The following DPP6 variants were observed in gnomAD, a reference collection of about 807,000 sequenced individuals.
The protein encoded by DPP6 is A-type potassium channel modulatory protein DPP6.
Under a neutral mutation model 122.6 loss-of-function variants are expected in DPP6, and 69 were observed. The observed-to-expected ratio is 0.56, with a 90% CI of 0.46 to 0.69. The LOEUF (loss-of-function observed/expected upper bound fraction) is 0.69, where lower values mean the gene tolerates loss of function less well. DPP6 is among the 30% of genes least tolerant of loss of function. The pLI, the probability that DPP6 is intolerant of heterozygous loss-of-function variation, is 0.00. For missense variants in DPP6, 928 were observed against 1,116.9 expected, an observed-to-expected ratio of 0.83 and a Z score of 2.41; for synonymous variants, 418 against 433.1, an observed-to-expected ratio of 0.97 and a Z score of 0.43.
intron 1 of DPP6, among the ~76,000 whole-genome samples, chr7:154,364,322 A>G (rs1586061241): frequency 6.6e-6 from 1 of 152,172 alleles, no homozygotes; most frequent in Non-Finnish European, 1.5e-5. Flanking sequence ...GAAGAGGTGC[A>G]CCCACCACAG....
At chr7:154,798,817 T>C (rs1169030377) in intron 12 of DPP6, among the ~76,000 whole-genome samples, 1 of 152,380 alleles carries the variant, frequency 6.6e-6, no homozygotes, top group South Asian at 2.1e-4. Context: ...TGGACCCTAT[T>C]TTTCAAAAAC....
At chr7:154,201,793 C>T (rs1799187917) in intron 1 of DPP6, among the ~76,000 whole-genome samples, 1 of 152,192 alleles carries the variant, frequency 6.6e-6, no homozygotes, top group South Asian at 2.1e-4. Flanking sequence ...GTCTGCATAC[C>T]ATTGAAAAGA....
intron 1 of DPP6, among the ~76,000 whole-genome samples, chr7:154,090,928 G>C (rs971779859): frequency 3.8e-4 from 57 of 149,212 alleles, no homozygotes; most frequent in Middle Eastern, 3.4e-3. Context: ...AGACCATCCT[G>C]GCTAACACAG....
At chr7:154,812,276 A>T (rs989764765) in intron 16 of DPP6, among the ~76,000 whole-genome samples, 1 of 152,212 alleles carries the variant, frequency 6.6e-6, no homozygotes, top group African/African-American at 2.4e-5. Context: ...TGGGCCTTCC[A>T]TTAGGACAGT....
chr7:154,801,550 G>T, intron 13 of DPP6, 88 bp downstream of exon 13: 1 of 1,450,542 alleles, frequency 6.9e-7, no homozygotes, highest in Non-Finnish European at 9.1e-7. Context: ...GCACACTTGC[G>T]TTTTCGAGGA....
intron 1 of DPP6, among the ~76,000 whole-genome samples, chr7:153,923,804 G>GGGA (rs1800762306): frequency 6.6e-6 from 1 of 150,720 alleles, no homozygotes; most frequent in African/African-American, 2.4e-5. Context: ...CATCTTAGCG[G>GGGA]GGAGGATCTG....
chr7:154,599,056 G>T (rs1282142838), intron 5 of DPP6, among the ~76,000 whole-genome samples: 2 of 152,154 alleles, frequency 1.3e-5, no homozygotes, highest in Non-Finnish European at 2.9e-5. Context: ...GGTGATAACT[G>T]CACTTTCTTC....
intron 1 of DPP6, among the ~76,000 whole-genome samples, chr7:154,200,082 A>C (rs149330197): frequency 1.3e-5 from 2 of 152,318 alleles, no homozygotes; most frequent in East Asian, 3.9e-4. Flanking sequence ...ATACCAATTC[A>C]AAATCAAACA....
chr7:154,599,165 A>G (rs1225012370), intron 5 of DPP6, among the ~76,000 whole-genome samples: 1 of 152,210 alleles, frequency 6.6e-6, no homozygotes, highest in African/African-American at 2.4e-5. Context: ...CAAAGTCAAC[A>G]AAAGAGCATA....
chr7:154,641,781 A>G (rs1381621855), intron 6 of DPP6, among the ~76,000 whole-genome samples: 1 of 152,172 alleles, frequency 6.6e-6, no homozygotes, highest in Non-Finnish European at 1.5e-5. Context: ...TGGTCCTATC[A>G]CTTTATTATG....
At chr7:154,525,788 C>T (rs1344751704) in intron 3 of DPP6, among the ~76,000 whole-genome samples, 1 of 148,850 alleles carries the variant, frequency 6.7e-6, no homozygotes, top group Non-Finnish European at 1.5e-5. Flanking sequence ...TTGTACCTAT[C>T]ATTTCTCTTT....
chr7:154,101,197 T>C lies in DPP6; in HGVS notation c.243+48134T>C, dbSNP rs369379221. The stretch of plus-strand genomic sequence containing the variant: ...CAGTTGTTCATCCTGTGCACTCCAG[T>C]CTCATCCTGTGCTTAATTCTACCAC... On this transcript the variant is annotated intron_variant, in intron 1 of 25. Coordinates refer to ENST00000377770, the MANE Select transcript of DPP6 (RefSeq NM_130797.4). Among the ~76,000 whole-genome samples, 1,149 of 124,092 alleles carry C rather than the reference T, an allele frequency of 9.3e-3. 13 individuals carry two copies. The highest frequency in any genetic ancestry group is 0.066 in the Middle Eastern group (14 of 212). The allele number at this position is 124,092 out of a possible 152,430, so 81.4% of individuals were successfully genotyped here. A position where few individuals can be genotyped will look rare whatever the true frequency, so the allele number is the denominator to read the frequency against.
At chr7:154,678,894 G>A (rs1225666842) in intron 7 of DPP6, among the ~76,000 whole-genome samples, 1 of 152,192 alleles carries the variant, frequency 6.6e-6, no homozygotes, top group East Asian at 1.9e-4. Context: ...ATGGTGGAGA[G>A]TAAAATAATC....
At chr7:154,204,627 A>G (rs558359864) in intron 1 of DPP6, among the ~76,000 whole-genome samples, 1 of 152,204 alleles carries the variant, frequency 6.6e-6, no homozygotes, top group East Asian at 1.9e-4. Context: ...GGTAGGTGAA[A>G]TGTCTCATGG....
At chr7:153,914,760 T>C (rs2129004674) in intron 1 of DPP6, among the ~76,000 whole-genome samples, 1 of 152,276 alleles carries the variant, frequency 6.6e-6, no homozygotes, top group South Asian at 2.1e-4. Flanking sequence ...ACTGCCTTTG[T>C]TCTTTATTCC....
At chr7:154,889,244 C>T in intron 23 of DPP6, 28 bp from the exon 24 acceptor site, 3 of 1,609,386 alleles carry the variant, frequency 1.9e-6, no homozygotes, top group East Asian at 2.2e-5. Flanking sequence ...AGCCCCCTAA[C>T]TCTGTCCCCT....
chr7:153,752,240 T>C, the DPP6 span, among the ~76,000 whole-genome samples: 3 of 145,076 alleles, frequency 2.1e-5, no homozygotes, highest in East Asian at 4.3e-4. Flanking sequence ...TATAAATATT[T>C]GTACCACAGC....
At chr7:154,706,591 C>T (rs1840841988) in intron 7 of DPP6, among the ~76,000 whole-genome samples, 1 of 152,172 alleles carries the variant, frequency 6.6e-6, no homozygotes, top group Non-Finnish European at 1.5e-5. Context: ...CACTGTTGTG[C>T]CCACCTCTCC....
intron 16 of DPP6, among the ~76,000 whole-genome samples, chr7:154,827,956 G>A (rs1344970287): frequency 6.6e-6 from 1 of 152,172 alleles, no homozygotes; most frequent in East Asian, 1.9e-4. Flanking sequence ...TCACACATAT[G>A]GGGAGGTGGA....
Sources: gnomAD v4.1 joint callset for allele counts (sites outside exome capture counted in the v4.1 genomes callset) on GRCh38, gnomAD v4.1.1 for gene constraint, MANE v1.5 for transcripts, NCBI Gene and HGNC (gene_info 2026-07-23, HGNC 2026-07-21) for gene names.